The following SPAG9 variants were observed in gnomAD, a reference collection of about 807,000 sequenced individuals.
SPAG9 encodes C-Jun-amino-terminal kinase-interacting protein 4.
In SPAG9, 35 loss-of-function variants were observed where a neutral mutation model predicts 166.5. That is an observed-to-expected ratio of 0.21 (90% CI 0.16 to 0.28). The LOEUF (loss-of-function observed/expected upper bound fraction) is 0.28. Ranked by LOEUF, SPAG9 falls within the 10% of genes least tolerant of loss-of-function variation. The probability of loss-of-function intolerance (pLI) is 1.00; values close to 1 mark genes in which losing one functional copy is unlikely to be tolerated. For synonymous variants in SPAG9, 534 were observed against 565.5 expected (o/e 0.94, Z 0.79); for missense variants, 1,235 against 1,603.3 (o/e 0.77, Z 3.92).
In SPAG9 at chr17:50,989,100, T is replaced by C. The variant is rs970297440; in HGVS notation, c.2813+577A>G. Among the ~76,000 whole-genome samples the C allele has an allele frequency of 7.7e-4, 117 of 152,236 alleles. 1 individual carries two copies. Among genetic ancestry groups the C allele is most frequent in the Middle Eastern group, 6.8e-3 (2 of 294 alleles). On this transcript the variant is annotated intron_variant, in intron 21 of 29. Coordinates refer to ENST00000262013, the MANE Select transcript of SPAG9 (RefSeq NM_001130528.3). ...AAATGAACAGAAAGATTTTGACTAA[T>C]ATATAGTCACACACCTGGTAAAACC...
At chr17:50,971,035 C>T (rs1337861003) in intron 28 of SPAG9, among the ~76,000 whole-genome samples, 179 bp from the exon 29 acceptor site, 1 of 151,864 alleles carries the variant, frequency 6.6e-6, no homozygotes, top group Admixed American at 6.6e-5. Flanking sequence ...GTTTTAAGAA[C>T]CCGATTTGAG....
intron 27 of SPAG9, chr17:50,975,831 G>A: frequency 6.6e-7 from 1 of 1,516,760 alleles, no homozygotes; most frequent in East Asian, 2.4e-5. Flanking sequence ...TAGAAGCCAG[G>A]AAGAAGAGTT....
intron 8 of SPAG9, 56 bp from the exon 9 acceptor site, chr17:51,014,409 C>T: frequency 6.5e-7 from 1 of 1,536,506 alleles, no homozygotes. Context: ...TTTTTTGACG[C>T]TGTAAAATGA....
At chr17:51,012,815 C>T (rs1597990181) in intron 9 of SPAG9, among the ~76,000 whole-genome samples, 1 of 150,980 alleles carries the variant, frequency 6.6e-6, no homozygotes, top group Non-Finnish European at 1.5e-5. Context: ...TGGTGCAACC[C>T]AGGCTCACTG....
chr17:50,968,002 C>G (rs1481576241), intron 29 of SPAG9, among the ~76,000 whole-genome samples: 1 of 152,176 alleles, frequency 6.6e-6, no homozygotes, highest in Admixed American at 6.5e-5. Context: ...ATTTTATTAA[C>G]AAACTCCTCA....
chr17:51,007,597 T>C (rs1014122379), intron 9 of SPAG9, among the ~76,000 whole-genome samples: 2 of 152,206 alleles, frequency 1.3e-5, no homozygotes, highest in Non-Finnish European at 2.9e-5. Flanking sequence ...CAATTTTTAA[T>C]ATCTGTTAGT....
chr17:51,104,659 T>G lies in SPAG9; in HGVS notation c.303+15695A>C, dbSNP rs543800629. ...CTCAAAAATAAATAAATAGGCCGGG[T>G]GCGGTGGCTCACGCCTGTAATCCCA... On this transcript the variant is annotated intron_variant, in intron 1 of 29. Transcript: ENST00000262013. 1.2e-3 allele frequency among the ~76,000 whole-genome samples: 179 copies of G among 150,906 alleles called. 1 individual carries two copies. Among genetic ancestry groups the G allele is most frequent in the Non-Finnish European group, 2.2e-3 (151 of 67,816 alleles).
Position 51,120,252 on chromosome 17 carries a change from C to G in SPAG9, c.303+102G>C. 5.6e-6 allele frequency: 6 copies of G among 1,076,966 alleles called. No individual in the cohort carries two copies. Among genetic ancestry groups the G allele is most frequent in the Non-Finnish European group, 7.6e-6 (6 of 790,716 alleles). 66.7% of individuals were successfully genotyped at this position (1,076,966 alleles called of 1,614,324 possible). Reference sequence around the variant, plus strand: ...GGGGCATCGGCCTCAGGCCCGCCCTCCAGGAGGCCCGTCGCGCCTCTAGTC... The same window carrying G: ...GGGGCATCGGCCTCAGGCCCGCCCTGCAGGAGGCCCGTCGCGCCTCTAGTC... On this transcript the variant is annotated intron_variant, in intron 1 of 29. Transcript: ENST00000262013. The surrounding 1 kb of genome is among the most constrained non-coding windows in gnomAD (Gnocchi z 4.7).
chr17:51,081,628 G>C (rs557281009), intron 1 of SPAG9, among the ~76,000 whole-genome samples: 1 of 152,084 alleles, frequency 6.6e-6, no homozygotes, highest in Non-Finnish European at 1.5e-5. Flanking sequence ...TGTAATCCCA[G>C]CTATTTGGGA....
chr17:51,023,418 A>G, intron 6 of SPAG9: 1 of 239,114 alleles, frequency 4.2e-6, no homozygotes, highest in African/African-American at 2.3e-5. Flanking sequence ...TGGTAGCTTT[A>G]GATCCACCTT....
intron 2 of SPAG9, among the ~76,000 whole-genome samples, chr17:51,076,731 G>A (rs1366463220): frequency 3.7e-5 from 5 of 135,082 alleles, no homozygotes; most frequent in African/African-American, 5.4e-5. Context: ...ACAAGACTCC[G>A]TCTTAAAAAA....
At chr17:51,092,568 A>G (rs2048496135) in intron 1 of SPAG9, among the ~76,000 whole-genome samples, 1 of 152,228 alleles carries the variant, frequency 6.6e-6, no homozygotes, top group African/African-American at 2.4e-5. Context: ...AAACAGCCCT[A>G]TCTCCTAAAG....
intron 2 of SPAG9, among the ~76,000 whole-genome samples, chr17:51,076,985 T>TCTAGCTAGCTATCTAG (rs751596340): frequency 7.9e-5 from 8 of 101,678 alleles, no homozygotes; most frequent in African/African-American, 3.1e-4. Context: ...ATCTATCTTA[T>TCTAGCTAGCTATCTAG]CTAGCTATCT....
At chr17:51,021,564 A>G (rs531538087) in intron 6 of SPAG9, among the ~76,000 whole-genome samples, 199 bp from the exon 7 acceptor site, 1 of 152,252 alleles carries the variant, frequency 6.6e-6, no homozygotes, top group South Asian at 2.1e-4. Context: ...AGTAAACTGT[A>G]TTTTTTCAAA....
chr17:50,999,378 T>C (rs2044824082), intron 14 of SPAG9: 1 of 932,392 alleles, frequency 1.1e-6, no homozygotes, highest in Admixed American at 3.3e-5. Context: ...TCTAAATAAT[T>C]CCCCATTATT....
chr17:51,036,659 C>T (rs556165545), intron 5 of SPAG9, among the ~76,000 whole-genome samples: 1 of 152,046 alleles, frequency 6.6e-6, no homozygotes, highest in Admixed American at 6.6e-5. Context: ...GGGTCTTGTA[C>T]CCCCAAGCCT....
chr17:51,105,464 G>A (rs1313818960), intron 1 of SPAG9, among the ~76,000 whole-genome samples: 2 of 152,282 alleles, frequency 1.3e-5, no homozygotes, highest in Non-Finnish European at 2.9e-5. Flanking sequence ...CTCTGAATAT[G>A]TATCTAAAGT....
intron 1 of SPAG9, among the ~76,000 whole-genome samples, chr17:51,089,257 C>T (rs2048383222): frequency 6.6e-6 from 1 of 151,616 alleles, no homozygotes; most frequent in African/African-American, 2.4e-5. Context: ...AGCCCTGTCT[C>T]TACTAAAAAT....
intron 25 of SPAG9, among the ~76,000 whole-genome samples, chr17:50,980,915 T>C (rs1378557165): frequency 1.3e-5 from 2 of 152,114 alleles, no homozygotes; most frequent in Non-Finnish European, 2.9e-5. Flanking sequence ...AGCAGGAGGC[T>C]TGCTAGAGCC....
Sources: allele counts gnomAD v4.1 joint callset (sites outside exome capture counted in the v4.1 genomes callset), GRCh38; gene constraint gnomAD v4.1.1; non-coding constraint Gnocchi (gnomAD v3.1); transcripts MANE v1.5; gene names NCBI Gene and HGNC (gene_info 2026-07-23, HGNC 2026-07-21).